The following PHC3 variants were observed in gnomAD, a reference collection of about 807,000 sequenced individuals.
The protein encoded by PHC3 is polyhomeotic homolog 3.
In PHC3, 13 loss-of-function variants were observed where a neutral mutation model predicts 107.4. The observed-to-expected ratio is 0.12, with a 90% CI of 0.08 to 0.19. The LOEUF is 0.19. Among genes scored for constraint, PHC3 ranks in the 10% least tolerant of loss-of-function variants. The probability of loss-of-function intolerance (pLI) is 1.00; values close to 1 mark genes in which losing one functional copy is unlikely to be tolerated. For missense variants in PHC3, 992 were observed against 1,210.9 expected, an observed-to-expected ratio of 0.82 and a Z score of 2.68; for synonymous variants, 456 against 427.4, an observed-to-expected ratio of 1.07 and a Z score of -0.83.
chr3:170,102,399 CA>C, intron 14 of PHC3, 79 bp downstream of exon 14: 1 of 1,538,916 alleles, frequency 6.5e-7, no homozygotes. Context: ...CCCTTTTGTG[CA>C]AAAGGTGTGG....
intron 7 of PHC3, among the ~76,000 whole-genome samples, chr3:170,133,645 G>A (rs1458492631): frequency 6.6e-6 from 1 of 152,148 alleles, no homozygotes; most frequent in Non-Finnish European, 1.5e-5. Context: ...ACAACATCAA[G>A]GAAAATTGGA....
At chr3:170,111,487 G>A (rs1717767959) in intron 11 of PHC3, among the ~76,000 whole-genome samples, 1 of 151,944 alleles carries the variant, frequency 6.6e-6, no homozygotes, top group South Asian at 2.1e-4. Context: ...AGAAGGGTGG[G>A]GGTTAGGAAT....
intron 8 of PHC3, among the ~76,000 whole-genome samples, chr3:170,123,025 C>T (rs201568139): frequency 6.1e-4 from 93 of 151,982 alleles, no homozygotes; most frequent in Non-Finnish European, 1.1e-3. Context: ...TTTTTTATTT[C>T]GATAATTAAA....
At chr3:170,134,479 C>T (rs939659971) in intron 7 of PHC3, among the ~76,000 whole-genome samples, 2 of 152,106 alleles carry the variant, frequency 1.3e-5, no homozygotes, top group Admixed American at 6.5e-5. Flanking sequence ...TGTGAGCTAC[C>T]GCGCCCAGCT....
chr3:170,181,666 C>G (rs199580456), intron 1 of PHC3, 36 bp downstream of exon 1: 431 of 1,613,350 alleles, frequency 2.7e-4, no homozygotes, highest in East Asian at 2.3e-3. Flanking sequence ...ACTCGCCCCC[C>G]CTAGTTACGA....
intron 4 of PHC3, among the ~76,000 whole-genome samples, chr3:170,169,162 T>C (rs537343440): frequency 1.2e-3 from 184 of 152,294 alleles, no homozygotes; most frequent in South Asian, 1.7e-3. Context: ...GACTGGACTT[T>C]GGACTTGATT....
Position 170,128,607 on chromosome 3 carries a change from C to G in PHC3, c.1788+77G>C, listed in dbSNP as rs560653426. The G allele has an allele frequency of 9.5e-6, 14 of 1,480,182 alleles. No homozygotes were observed. The African/African-American group carries it at 2.0e-4, about 21-fold the overall frequency. The allele number at this position is 1,480,182 out of a possible 1,614,324, so 91.7% of individuals were successfully genotyped here. A position where few individuals can be genotyped will look rare whatever the true frequency, so the allele number is the denominator to read the frequency against. The stretch of plus-strand genomic sequence containing the variant: ...TTAGTTCACAGGCATTTAGATCTTG[C>G]AATAAAACATAGTGTGGGAAAAAAT... On this transcript the variant is annotated intron_variant, in intron 8 of 14. Transcript: ENST00000495893.
At chr3:170,117,844 C>CA (rs556845192) in intron 9 of PHC3, among the ~76,000 whole-genome samples, 3,641 of 117,512 alleles carry the variant, frequency 0.031, 32 homozygotes, top group Middle Eastern at 0.054. Flanking sequence ...AAAAAAAAAC[C>CA]AAAAAAAAAA....
Position 170,145,414 on chromosome 3 carries a change from C to G in PHC3, c.672+9G>C, listed in dbSNP as rs764640776. 2.5e-6 allele frequency: 4 copies of G among 1,607,424 alleles called. No homozygotes were observed. Among genetic ancestry groups the G allele is most frequent in the Non-Finnish European group, 2.6e-6 (3 of 1,175,534 alleles). On this transcript the variant is annotated intron_variant, in intron 6 of 14. Transcript: ENST00000495893. The stretch of plus-strand genomic sequence containing the variant: ...TCAAGTAACACATTATGAAGCTAGA[C>G]AAGCTCACCTGAGTAGCTGCAGACT...
chr3:170,117,581 C>T, intron 9 of PHC3, 105 bp from the exon 10 acceptor site: 1 of 1,140,806 alleles, frequency 8.8e-7, no homozygotes, highest in Non-Finnish European at 1.2e-6. Flanking sequence ...ATATCTGGTA[C>T]TTTCAAAAAC....
chr3:170,128,863 G>T lies in PHC3; in HGVS notation c.1609C>A (p.Gln537Lys), dbSNP rs2108460932. The T allele has an allele frequency of 1.2e-6, 2 of 1,614,034 alleles. No homozygotes were observed. The highest frequency in any genetic ancestry group is 1.1e-5 in the South Asian group (1 of 91,090). ...TGGGACAGAATTTCAGGCTGCACTT[G>T]TAAAGACTGCATAGACTGCAAGGGC... ...PLPLQSMQSL[Q>K]VQPEILSQGQ... Residue 537 changes from glutamine (Q) to lysine (K), a missense_variant, in exon 8 of 15, where the codon CAA (glutamine) becomes AAA (lysine). Physicochemically the swap from Gln to Lys is moderately conservative, Grantham distance 53. Transcript: ENST00000495893.
At chr3:170,119,444 T>A (rs1719757000) in intron 9 of PHC3, among the ~76,000 whole-genome samples, 1 of 152,224 alleles carries the variant, frequency 6.6e-6, no homozygotes, top group African/African-American at 2.4e-5. Context: ...TGCATAAATG[T>A]GCCAAACTTA....
At chr3:170,117,071 G>T in intron 10 of PHC3, 155 bp downstream of exon 10, 1 of 951,204 alleles carries the variant, frequency 1.1e-6, no homozygotes, top group Non-Finnish European at 1.5e-6. Flanking sequence ...ATAAACATTT[G>T]GAAATAAAGG....
intron 4 of PHC3, among the ~76,000 whole-genome samples, chr3:170,165,544 G>C (rs907731232): frequency 1.3e-5 from 2 of 151,898 alleles, no homozygotes. Flanking sequence ...CCTGAGGTCA[G>C]GAGTTCAAGA....
chr3:170,137,714 C>T (rs1000247805), intron 6 of PHC3, among the ~76,000 whole-genome samples: 2 of 152,222 alleles, frequency 1.3e-5, no homozygotes, highest in African/African-American at 4.8e-5. Context: ...GCCTGGCCAA[C>T]ATGGTGAAAC....
At chr3:170,107,614 A>G (rs891128768) in intron 11 of PHC3, among the ~76,000 whole-genome samples, 9 of 152,218 alleles carry the variant, frequency 5.9e-5, no homozygotes, top group Non-Finnish European at 1.3e-4. Context: ...AATTCTTTAA[A>G]AAGATGCATA....
At chr3:170,161,423 G>A (rs1727870008) in intron 4 of PHC3, among the ~76,000 whole-genome samples, 1 of 152,172 alleles carries the variant, frequency 6.6e-6, no homozygotes, top group Non-Finnish European at 1.5e-5. Context: ...CACAGAGAAG[G>A]TGGGGAAAAT....
intron 12 of PHC3, 47 bp from the exon 13 acceptor site, chr3:170,102,981 T>C (rs1270987251): frequency 6.5e-7 from 1 of 1,532,756 alleles, no homozygotes; most frequent in Admixed American, 1.9e-5. Flanking sequence ...TATGGGACAA[T>C]CCATTTAGTA....
intron 6 of PHC3, among the ~76,000 whole-genome samples, chr3:170,137,707 T>A (rs553977879): frequency 3.5e-4 from 54 of 152,342 alleles, no homozygotes; most frequent in Admixed American, 2.2e-3. Flanking sequence ...AAGACCAGCC[T>A]GGCCAACATG....
Sources: gnomAD v4.1 joint callset for allele counts (sites outside exome capture counted in the v4.1 genomes callset) on GRCh38, gnomAD v4.1.1 for gene constraint, MANE v1.5 for transcripts, NCBI Gene and HGNC (gene_info 2026-07-23, HGNC 2026-07-21) for gene names.